DMRT1: variants seen among roughly 807,000 people sequenced by gnomAD.
DMRT1 encodes the protein doublesex and mab-3 related transcription factor 1, also known as doublesex- and mab-3-related transcription factor 1.
A neutral mutation model predicts 32.3 loss-of-function variants in DMRT1; 7 were observed. The ratio of observed to expected loss-of-function variants is 0.22; its 90% CI spans 0.12 to 0.41. The LOEUF (loss-of-function observed/expected upper bound fraction) is 0.41, where lower values mean the gene tolerates loss of function less well. DMRT1 is among the 10% of genes least tolerant of loss of function. DMRT1 has a pLI of 1.00. For synonymous variants in DMRT1, 278 were observed against 206.1 expected (o/e 1.35, Z -2.99); for missense variants, 625 against 500.5 (o/e 1.25, Z -2.37).
At chr9:950,886 G>A (rs918532584) in intron 4 of DMRT1, among the ~76,000 whole-genome samples, 9 of 152,086 alleles carry the variant, frequency 5.9e-5, no homozygotes, top group East Asian at 1.9e-4. Flanking sequence ...AAAATGTTTC[G>A]TCCTTTATTG....
At chr9:866,950 G>A (rs572582742) in intron 2 of DMRT1, among the ~76,000 whole-genome samples, 21 of 152,232 alleles carry the variant, frequency 1.4e-4, no homozygotes, top group Admixed American at 9.8e-4. Context: ...TTAGCTTTGG[G>A]TGTGCTATTT....
chr9:858,690 A>G (rs531622429), intron 2 of DMRT1, among the ~76,000 whole-genome samples: 2 of 152,038 alleles, frequency 1.3e-5, no homozygotes, highest in African/African-American at 2.4e-5. Flanking sequence ...CCTGACCAAC[A>G]TGGCGAATCC....
intron 4 of DMRT1, among the ~76,000 whole-genome samples, chr9:957,153 G>A (rs747782516): frequency 4.4e-4 from 67 of 152,096 alleles, no homozygotes; most frequent in Non-Finnish European, 7.6e-4. Context: ...ATACCCAATG[G>A]AACATCTTTT....
intron 2 of DMRT1, among the ~76,000 whole-genome samples, chr9:891,955 G>C (rs554771240): frequency 6.6e-6 from 1 of 152,344 alleles, no homozygotes; most frequent in Non-Finnish European, 1.5e-5. Flanking sequence ...ACAGTGGTGT[G>C]CCCGGAGGCT....
chr9:916,336 G>T (rs974088243), intron 3 of DMRT1, among the ~76,000 whole-genome samples: 3 of 152,016 alleles, frequency 2.0e-5, no homozygotes, highest in Admixed American at 2.0e-4. Context: ...CATGGCTGAG[G>T]CCACTTCCAA....
In DMRT1 at chr9:875,191, T is replaced by A. The variant is rs1025303122; in HGVS notation, c.539-18721T>A. Among the ~76,000 whole-genome samples the A allele has an allele frequency of 1.9e-4, 29 of 152,292 alleles. 1 individual carries two copies. Among genetic ancestry groups the A allele is most frequent in the African/African-American group, 1.4e-4 (6 of 41,562 alleles). On this transcript the variant is annotated intron_variant, in intron 2 of 4. Coordinates refer to ENST00000382276, the MANE Select transcript of DMRT1 (RefSeq NM_021951.3). ...ATGGCCCTTCCCTCATTGTAAATTT[T>A]AAAAAACATGTCTTTATTCTCTTAC...
At chr9:845,333 G>C (rs1363330609) in intron 1 of DMRT1, among the ~76,000 whole-genome samples, 1 of 151,842 alleles carries the variant, frequency 6.6e-6, no homozygotes, top group Non-Finnish European at 1.5e-5. Flanking sequence ...TCGGCCTCCT[G>C]AGTACCTGGG....
At chr9:930,213 C>G (rs952306596) in intron 4 of DMRT1, among the ~76,000 whole-genome samples, 2 of 151,926 alleles carry the variant, frequency 1.3e-5, no homozygotes, top group Non-Finnish European at 2.9e-5. Context: ...CTAGATTGTT[C>G]TATTTGTTTG....
intron 2 of DMRT1, among the ~76,000 whole-genome samples, chr9:865,140 G>C (rs1451822504): frequency 6.6e-6 from 1 of 152,138 alleles, no homozygotes; most frequent in Non-Finnish European, 1.5e-5. Flanking sequence ...GACGTTTCCA[G>C]GTTTTCCCTG....
At chr9:964,327 G>A (rs906640231) in intron 4 of DMRT1, among the ~76,000 whole-genome samples, 1 of 151,834 alleles carries the variant, frequency 6.6e-6, no homozygotes, top group African/African-American at 2.4e-5. Context: ...TCCTGTGTAA[G>A]GTTTTCTGTT....
At chr9:862,287 G>A (rs990611089) in intron 2 of DMRT1, among the ~76,000 whole-genome samples, 1 of 152,170 alleles carries the variant, frequency 6.6e-6, no homozygotes, top group African/African-American at 2.4e-5. Context: ...ACCACTCGCG[G>A]TCAGGAGCTG....
At chr9:936,093 G>T (rs1818877357) in intron 4 of DMRT1, among the ~76,000 whole-genome samples, 1 of 152,160 alleles carries the variant, frequency 6.6e-6, no homozygotes, top group Non-Finnish European at 1.5e-5. Flanking sequence ...ATGGCTTCTT[G>T]TCCCAGTCAT....
chr9:958,859 A>G (rs1305443811), intron 4 of DMRT1, among the ~76,000 whole-genome samples: 2 of 152,190 alleles, frequency 1.3e-5, no homozygotes, highest in Non-Finnish European at 2.9e-5. Context: ...CAGTGTTGAC[A>G]TTATTGTGAC....
chr9:926,778 A>C (rs1818540143), intron 4 of DMRT1, among the ~76,000 whole-genome samples: 1 of 152,074 alleles, frequency 6.6e-6, no homozygotes, highest in African/African-American at 2.4e-5. Context: ...GGTTGAACAT[A>C]CTTACTAGAA....
intron 2 of DMRT1, among the ~76,000 whole-genome samples, chr9:853,077 A>C (rs915136347): frequency 6.6e-6 from 1 of 151,592 alleles, no homozygotes. Context: ...TGTTTAAATT[A>C]AAAAAAACAA....
chr9:873,608 C>T (rs766023721), intron 2 of DMRT1, among the ~76,000 whole-genome samples: 11 of 152,100 alleles, frequency 7.2e-5, no homozygotes, highest in African/African-American at 1.9e-4. Context: ...CGTGATCCAC[C>T]GCGCCCAGCC....
intron 4 of DMRT1, among the ~76,000 whole-genome samples, chr9:925,244 T>G (rs1166217116): frequency 2.0e-5 from 3 of 152,204 alleles, no homozygotes; most frequent in African/African-American, 4.8e-5. Flanking sequence ...AGAAACCAAC[T>G]GTGGAATCTT....
chr9:953,746 C>G (rs1455879722), intron 4 of DMRT1, among the ~76,000 whole-genome samples: 1 of 152,210 alleles, frequency 6.6e-6, no homozygotes, highest in African/African-American at 2.4e-5. Context: ...ACCTAGTGTG[C>G]TGATCACGAT....
intron 1 of DMRT1, among the ~76,000 whole-genome samples, chr9:843,626 T>C (rs1838784866): frequency 6.6e-6 from 1 of 152,224 alleles, no homozygotes; most frequent in Non-Finnish European, 1.5e-5. Flanking sequence ...AAAGGATTTT[T>C]GGAAGGCAGT....
Sources: gnomAD v4.1 joint callset for allele counts (sites outside exome capture counted in the v4.1 genomes callset) on GRCh38, gnomAD v4.1.1 for gene constraint, MANE v1.5 for transcripts, NCBI Gene and HGNC (gene_info 2026-07-23, HGNC 2026-07-21) for gene names.